The following SPTLC3 variants were observed in gnomAD, a reference collection of about 807,000 sequenced individuals.
SPTLC3 encodes serine palmitoyltransferase 3.
In SPTLC3, 36 loss-of-function variants were observed where a neutral mutation model predicts 59.3. The ratio of observed to expected loss-of-function variants is 0.61; its 90% CI spans 0.47 to 0.80. The LOEUF (loss-of-function observed/expected upper bound fraction) is 0.80, where lower values mean the gene tolerates loss of function less well. SPTLC3 is among the 30% of genes least tolerant of loss of function. SPTLC3 has a pLI of 0.00. For synonymous variants in SPTLC3, 257 were observed against 240.8 expected, an observed-to-expected ratio of 1.07 and a Z score of -0.62; for missense variants, 625 against 685.1, an observed-to-expected ratio of 0.91 and a Z score of 0.98.
intron 1 of SPTLC3, among the ~76,000 whole-genome samples, chr20:13,046,774 G>A (rs1222332643): frequency 6.6e-6 from 1 of 152,216 alleles, no homozygotes; most frequent in South Asian, 2.1e-4. Flanking sequence ...GGAGGAGTAG[G>A]AATGGGGTCT....
chr20:13,130,668 C>T (rs981194599), intron 9 of SPTLC3, among the ~76,000 whole-genome samples: 6 of 152,216 alleles, frequency 3.9e-5, no homozygotes, highest in South Asian at 4.1e-4. Context: ...ATTCCATATG[C>T]ACCAAGACCC....
At chr20:13,079,119 G>A (rs1381241969) in intron 4 of SPTLC3, among the ~76,000 whole-genome samples, 1 of 152,010 alleles carries the variant, frequency 6.6e-6, no homozygotes, top group Non-Finnish European at 1.5e-5. Context: ...AGACTTAACA[G>A]AAGACATTTA....
intron 9 of SPTLC3, among the ~76,000 whole-genome samples, chr20:13,134,293 T>G (rs1188132855): frequency 6.6e-6 from 1 of 152,258 alleles, no homozygotes; most frequent in Non-Finnish European, 1.5e-5. Context: ...CTCCGAATAC[T>G]TAACATCAGC....
intron 2 of SPTLC3, among the ~76,000 whole-genome samples, chr20:13,069,233 C>A (rs1345129275): frequency 6.6e-6 from 1 of 152,132 alleles, no homozygotes; most frequent in East Asian, 1.9e-4. Context: ...ACCGAAATCA[C>A]TCTGAAGTCA....
chr20:13,094,448 C>A (rs6109695), intron 6 of SPTLC3, among the ~76,000 whole-genome samples: 5,625 of 152,152 alleles, frequency 0.037, 328 homozygotes, highest in African/African-American at 0.12. Context: ...AATTTGTTTT[C>A]TCTTTCTTCC....
chr20:13,060,663 T>C (rs192934171), intron 2 of SPTLC3, among the ~76,000 whole-genome samples: 4 of 144,778 alleles, frequency 2.8e-5, no homozygotes, highest in African/African-American at 1.0e-4. Flanking sequence ...TCCATGTGTG[T>C]GCATTATTCA....
chr20:13,076,591 A>T (rs2122581682), intron 4 of SPTLC3, among the ~76,000 whole-genome samples: 1 of 152,024 alleles, frequency 6.6e-6, no homozygotes, highest in East Asian at 1.9e-4. Context: ...GGAATCACTT[A>T]AAACTTAGAT....
chr20:13,053,459 C>T (rs1450186040), intron 2 of SPTLC3, among the ~76,000 whole-genome samples: 2 of 152,086 alleles, frequency 1.3e-5, no homozygotes, highest in East Asian at 3.9e-4. Context: ...CAAAAAAAGG[C>T]TGAAAACCAG....
chr20:13,024,452 G>A (rs779244231), intron 1 of SPTLC3, among the ~76,000 whole-genome samples: 23 of 152,152 alleles, frequency 1.5e-4, no homozygotes, highest in South Asian at 8.3e-4. Context: ...CGAAGTTGTA[G>A]AATAAATACA....
chr20:13,072,289 T>A lies in SPTLC3; in HGVS notation c.337T>A (p.Phe113Ile). 1 of 1,613,834 alleles carries A rather than the reference T, an allele frequency of 6.2e-7. No homozygotes were observed. Among genetic ancestry groups the A allele is most frequent in the Non-Finnish European group, 8.5e-7 (1 of 1,179,862 alleles). ...GCCACTGTATCAAGACTTTGAAAAT[T>A]TTTATACAAGAAACCTTTACATGCG... Reference protein sequence around the residue: ...FVPLYQDFENFYTRNLYMRIR... With the variant: ...FVPLYQDFENIYTRNLYMRIR... The change falls in exon 3 of 12, where the codon TTT becomes ATT. Residue 113 changes from phenylalanine (F) to isoleucine (I), a missense_variant. Phe to Ile is a conservative substitution (Grantham distance 21). Coordinates refer to ENST00000399002, the MANE Select transcript of SPTLC3 (RefSeq NM_018327.4).
chr20:13,010,054 C>T (rs6041764), intron 1 of SPTLC3, among the ~76,000 whole-genome samples: 94,891 of 132,198 alleles, frequency 0.72, 30,150 homozygotes, highest in African/African-American at 0.76. Flanking sequence ...TTTTTTTTTT[C>T]ACTCTTATTG....
Position 13,154,488 on chromosome 20 carries a change from A to T in SPTLC3, c.1415+350A>T, listed in dbSNP as rs541380980. 1.8e-4 allele frequency among the ~76,000 whole-genome samples: 27 copies of T among 152,262 alleles called. No individual in the cohort carries two copies. In the East Asian group the frequency reaches 5.2e-3, roughly 29 times the overall value. ...GAACTTCTGAAGATCATCTCTCCCC[A>T]TATTACCATAAAAACAATGTGATCA... On this transcript the variant is annotated intron_variant, in intron 10 of 11. Coordinates refer to ENST00000399002, the MANE Select transcript of SPTLC3 (RefSeq NM_018327.4).
chr20:13,118,952 G>T (rs1990747721), intron 8 of SPTLC3, among the ~76,000 whole-genome samples: 2 of 152,190 alleles, frequency 1.3e-5, no homozygotes, highest in African/African-American at 4.8e-5. Context: ...TTTCTTTCGG[G>T]CTCAAAGCAT....
intron 2 of SPTLC3, among the ~76,000 whole-genome samples, chr20:13,070,596 A>G (rs1988399668): frequency 6.6e-6 from 1 of 152,184 alleles, no homozygotes; most frequent in African/African-American, 2.4e-5. Context: ...GGAGAATGAG[A>G]AGGCTCACTC....
chr20:13,068,443 G>A (rs1431226187), intron 2 of SPTLC3, among the ~76,000 whole-genome samples: 2 of 152,192 alleles, frequency 1.3e-5, no homozygotes, highest in Non-Finnish European at 2.9e-5. Flanking sequence ...TAGTTAAAAT[G>A]CTGTGGGAAG....
intron 1 of SPTLC3, among the ~76,000 whole-genome samples, chr20:13,019,994 C>T (rs6041770): frequency 6.6e-6 from 1 of 152,160 alleles, no homozygotes; most frequent in Non-Finnish European, 1.5e-5. Context: ...TGTGTATTCC[C>T]TGACTTCCTC....
At chr20:13,066,561 A>T (rs182402962) in intron 2 of SPTLC3, among the ~76,000 whole-genome samples, 34 of 152,298 alleles carry the variant, frequency 2.2e-4, no homozygotes, top group Non-Finnish European at 1.5e-5. Flanking sequence ...TATACTGAAA[A>T]ATGTGTGTAT....
At chr20:13,055,930 T>C (rs1285810812) in intron 2 of SPTLC3, among the ~76,000 whole-genome samples, 7 of 152,132 alleles carry the variant, frequency 4.6e-5, no homozygotes, top group Non-Finnish European at 1.0e-4. Flanking sequence ...AAGAGTCATC[T>C]GAGCTGAGGG....
At chr20:13,045,172 A>G (rs1019411835) in intron 1 of SPTLC3, among the ~76,000 whole-genome samples, 6 of 152,194 alleles carry the variant, frequency 3.9e-5, no homozygotes, top group African/African-American at 1.4e-4. Flanking sequence ...GGCTCCCTGC[A>G]TATTCCAGCA....
Sources: allele counts gnomAD v4.1 joint callset (sites outside exome capture counted in the v4.1 genomes callset), GRCh38; gene constraint gnomAD v4.1.1; transcripts MANE v1.5; gene names NCBI Gene and HGNC (gene_info 2026-07-23, HGNC 2026-07-21).